Variants in RIPOR2 observed in about 807,000 individuals in gnomAD.
The protein encoded by RIPOR2 is RHO family interacting cell polarization regulator 2.
Under a neutral mutation model 114.5 loss-of-function variants are expected in RIPOR2, and 39 were observed. The ratio of observed to expected loss-of-function variants is 0.34; its 90% CI spans 0.26 to 0.44. The LOEUF (loss-of-function observed/expected upper bound fraction) is 0.44. RIPOR2 is among the 20% of genes least tolerant of loss of function. The pLI, the probability that RIPOR2 is intolerant of heterozygous loss-of-function variation, is 1.00. For missense variants in RIPOR2, 1,007 were observed against 1,255.1 expected (o/e 0.80, Z 2.99); for synonymous variants, 445 against 484.4 (o/e 0.92, Z 1.07).
chr6:24,946,447 C>T (rs1261410265), intron 1 of RIPOR2, among the ~76,000 whole-genome samples: 2 of 152,016 alleles, frequency 1.3e-5, no homozygotes, highest in African/African-American at 4.8e-5. Context: ...AACCTTGTAT[C>T]CTGTAATCCC....
At chr6:24,991,859 C>G (rs572681984) in intron 1 of RIPOR2, among the ~76,000 whole-genome samples, 47 of 152,326 alleles carry the variant, frequency 3.1e-4, no homozygotes, top group African/African-American at 1.0e-3. Flanking sequence ...TCCAGACCTT[C>G]CGAGGGAAGC....
In RIPOR2 at chr6:25,003,423, T is replaced by TC. The variant is rs1561837763; in HGVS notation, c.76+38427_76+38428insG. On this transcript the variant is annotated intron_variant, in intron 1 of 13. Transcript: ENST00000510784. Reference sequence around the variant, plus strand: ...TTATTATTATTATTATTATTATTATTATCATCTCCTTTTTCTTCTTTTCGA... The same window carrying TC: ...TTATTATTATTATTATTATTATTATTCATCATCTCCTTTTTCTTCTTTTCGA... Among the ~76,000 whole-genome samples, 23 of 137,806 alleles carry TC rather than the reference T, an allele frequency of 1.7e-4. No homozygotes were observed. In the East Asian group the frequency reaches 2.3e-3, roughly 14 times the overall value. The allele number at this position is 137,806 out of a possible 152,430, so 90.4% of individuals were successfully genotyped here.
chr6:24,897,296 T>C (rs1158848179), intron 1 of RIPOR2, among the ~76,000 whole-genome samples: 1 of 152,224 alleles, frequency 6.6e-6, no homozygotes, highest in Admixed American at 6.5e-5. Context: ...ATACATCATT[T>C]GGCAGGATGA....
intron 1 of RIPOR2, among the ~76,000 whole-genome samples, chr6:24,948,601 GGTTCACC>G (rs1007660786): frequency 3.3e-5 from 5 of 151,154 alleles, no homozygotes; most frequent in Non-Finnish European, 7.4e-5. Context: ...GCACAATCTC[GGTTCACC>G]GCAACCTCTG....
intron 14 of RIPOR2, 43 bp downstream of exon 14, chr6:24,839,048 C>T (rs1404026451): frequency 6.8e-6 from 10 of 1,479,522 alleles, no homozygotes; most frequent in Non-Finnish European, 9.2e-6. Flanking sequence ...ACTGTATCAG[C>T]TGTGACAGGA....
chr6:24,970,679 G>A (rs1292369760), intron 1 of RIPOR2, among the ~76,000 whole-genome samples: 1 of 152,166 alleles, frequency 6.6e-6, no homozygotes, highest in African/African-American at 2.4e-5. Flanking sequence ...GCCCTTGTGA[G>A]TGTGTATTTA....
intron 1 of RIPOR2, among the ~76,000 whole-genome samples, chr6:25,000,712 A>G (rs764054780): frequency 3.3e-5 from 5 of 151,588 alleles, no homozygotes; most frequent in Non-Finnish European, 7.4e-5. Context: ...CTCTGTGGAA[A>G]AGTAGAAGGT....
intron 1 of RIPOR2, among the ~76,000 whole-genome samples, chr6:24,989,289 ACTTGT>A (rs1012777012): frequency 3.5e-5 from 5 of 143,704 alleles, no homozygotes; most frequent in Non-Finnish European, 6.0e-5. Flanking sequence ...TACTAATTGT[ACTTGT>A]CTTTTTCTTT....
intron 1 of RIPOR2, among the ~76,000 whole-genome samples, chr6:24,958,953 A>ATTTTTTTTTTTTT (rs552726204): frequency 1.8e-4 from 2 of 11,300 alleles, no homozygotes; most frequent in African/African-American, 5.0e-4. Context: ...CAAGCTCTAC[A>ATTTTTTTTTTTTT]TTTTCTTTTT....
chr6:24,954,823 A>C (rs1772955382), intron 1 of RIPOR2, among the ~76,000 whole-genome samples: 1 of 152,184 alleles, frequency 6.6e-6, no homozygotes, highest in South Asian at 2.1e-4. Flanking sequence ...ACGTATTCTC[A>C]TTCCCAAGAG....
intron 1 of RIPOR2, among the ~76,000 whole-genome samples, chr6:25,021,202 C>T (rs888077829): frequency 2.0e-5 from 3 of 152,002 alleles, no homozygotes; most frequent in African/African-American, 7.3e-5. Flanking sequence ...GTGCTCATTT[C>T]GTGAGTATTT....
At chr6:24,844,991 C>A (rs969825979) in intron 12 of RIPOR2, among the ~76,000 whole-genome samples, 10 of 151,806 alleles carry the variant, frequency 6.6e-5, no homozygotes, top group African/African-American at 2.4e-4. Flanking sequence ...GTCCCTGGTC[C>A]CATTGCTGCT....
chr6:24,894,993 T>G (rs1020425712), intron 1 of RIPOR2, among the ~76,000 whole-genome samples: 1 of 152,178 alleles, frequency 6.6e-6, no homozygotes, highest in Admixed American at 6.5e-5. Context: ...CCTAATATAA[T>G]GCACTAATTT....
intron 1 of RIPOR2, among the ~76,000 whole-genome samples, chr6:24,974,715 G>A (rs1237897585): frequency 3.9e-5 from 6 of 152,170 alleles, no homozygotes; most frequent in African/African-American, 1.4e-4. Flanking sequence ...GTTTGTGGCA[G>A]CATTATTCAT....
intron 1 of RIPOR2, among the ~76,000 whole-genome samples, chr6:24,979,171 A>C (rs1348433720): frequency 1.3e-5 from 2 of 151,738 alleles, no homozygotes; most frequent in African/African-American, 4.8e-5. Flanking sequence ...CGTGCATCCT[A>C]TCTATAGGTT....
chr6:24,824,446 A>G (rs1435644783), intron 19 of RIPOR2, among the ~76,000 whole-genome samples: 1 of 152,226 alleles, frequency 6.6e-6, no homozygotes, highest in African/African-American at 2.4e-5. Flanking sequence ...GGACAAGGAG[A>G]GGCCATGTTT....
chr6:25,002,425 T>G (rs550355030), intron 1 of RIPOR2, among the ~76,000 whole-genome samples: 1 of 152,362 alleles, frequency 6.6e-6, no homozygotes, highest in East Asian at 1.9e-4. Context: ...TGTTCATCTT[T>G]TTGTTGTTTA....
intron 1 of RIPOR2, among the ~76,000 whole-genome samples, chr6:24,969,512 C>T (rs919435409): frequency 3.9e-5 from 6 of 152,296 alleles, no homozygotes; most frequent in Non-Finnish European, 8.8e-5. Context: ...ACTTTTTACT[C>T]ACTTATTTTC....
chr6:24,921,898 C>T lies in RIPOR2; in HGVS notation c.61+13940G>A, dbSNP rs111746489. Among the ~76,000 whole-genome samples the T allele has an allele frequency of 7.3e-3, 1,111 of 151,984 alleles. 14 individuals are homozygous for T. Among genetic ancestry groups the T allele is most frequent in the African/African-American group, 0.025 (1,056 of 41,430 alleles). Reference sequence around the variant, plus strand: ...AGGCTGGAGTGCAATGGCGCAATCTCGGCTCACTGCAACCTCCACCTCCTG... The same window carrying T: ...AGGCTGGAGTGCAATGGCGCAATCTTGGCTCACTGCAACCTCCACCTCCTG... On this transcript the variant is annotated intron_variant, in intron 1 of 21. Transcript: ENST00000643898.
Sources: gnomAD v4.1 joint callset for allele counts (sites outside exome capture counted in the v4.1 genomes callset) on GRCh38, gnomAD v4.1.1 for gene constraint, MANE v1.5 for transcripts, NCBI Gene and HGNC (gene_info 2026-07-23, HGNC 2026-07-21) for gene names.